Variants in TNNI3K observed in about 807,000 individuals in gnomAD.
TNNI3K encodes serine/threonine-protein kinase TNNI3K.
In TNNI3K, 140 loss-of-function variants were observed where a neutral mutation model predicts 114.5. The observed-to-expected ratio is 1.22, with a 90% CI of 1.07 to 1.41. TNNI3K has a LOEUF of 1.41. TNNI3K is among the 40% of genes most tolerant of loss of function. The pLI, the probability that TNNI3K is intolerant of heterozygous loss-of-function variation, is 0.00. For synonymous variants in TNNI3K, 347 were observed against 347.5 expected, an observed-to-expected ratio of 1.00 and a Z score of 0.02; for missense variants, 1,125 against 1,007.6, an observed-to-expected ratio of 1.12 and a Z score of -1.58.
chr1:74,242,841 A>G (rs890820364), intron 2 of TNNI3K, among the ~76,000 whole-genome samples: 4 of 151,502 alleles, frequency 2.6e-5, no homozygotes, highest in African/African-American at 7.3e-5. Flanking sequence ...CTTGACCTCA[A>G]TCTCTCTCTG....
chr1:74,510,478 AG>A (rs1670131365), intron 23 of TNNI3K, among the ~76,000 whole-genome samples: 1 of 152,194 alleles, frequency 6.6e-6, no homozygotes, highest in African/African-American at 2.4e-5. Context: ...ACTGCACTCT[AG>A]CCTGGGTGAC....
At chr1:74,351,060 C>A (rs1188816332) in intron 9 of TNNI3K, among the ~76,000 whole-genome samples, 2 of 151,218 alleles carry the variant, frequency 1.3e-5, no homozygotes, top group Non-Finnish European at 1.5e-5. Context: ...TCTTCCTAGC[C>A]TTGATGGTCT....
At chr1:74,518,535 G>A (rs891827811) in intron 23 of TNNI3K, among the ~76,000 whole-genome samples, 4 of 151,976 alleles carry the variant, frequency 2.6e-5, no homozygotes, top group African/African-American at 9.7e-5. Context: ...TGGCTCTATG[G>A]TTCCCACTGC....
intron 21 of TNNI3K, chr1:74,464,982 T>G: frequency 1.7e-6 from 2 of 1,207,084 alleles, no homozygotes; most frequent in Non-Finnish European, 2.1e-6. Flanking sequence ...GAAAATTTCA[T>G]CTTGAAAATT....
At chr1:74,309,464 A>G (rs558027371) in intron 5 of TNNI3K, among the ~76,000 whole-genome samples, 74 of 151,678 alleles carry the variant, frequency 4.9e-4, no homozygotes, top group African/African-American at 1.7e-3. Flanking sequence ...TTAGAAAACT[A>G]GTATCACCTT....
chr1:74,509,723 T>C (rs1238842784), intron 23 of TNNI3K, among the ~76,000 whole-genome samples: 1 of 151,446 alleles, frequency 6.6e-6, no homozygotes, highest in African/African-American at 2.4e-5. Flanking sequence ...TGAACTGCTT[T>C]CTGGTTTTGA....
rs542867455 is a variant in TNNI3K, at chr1:74,292,788, T to A, written c.444+21080T>A. ...GGCTTTATCAATTTTGTGTTAAAAA[T>A]TTTTCACCATGATTGTAGATCTTGC... is the stretch of plus-strand genomic sequence containing the variant. On this transcript the variant is annotated intron_variant, in intron 5 of 24. Transcript: ENST00000326637. 3.8e-4 allele frequency among the ~76,000 whole-genome samples: 58 copies of A among 151,750 alleles called. No individual in the cohort carries two copies. The South Asian group carries it at 5.4e-3, about 14-fold the overall frequency.
intron 5 of TNNI3K, among the ~76,000 whole-genome samples, chr1:74,317,957 A>G (rs541071969): frequency 2.0e-5 from 3 of 152,210 alleles, no homozygotes; most frequent in Admixed American, 1.3e-4. Flanking sequence ...TTGCTAATCT[A>G]TTTTATGAAC....
intron 17 of TNNI3K, among the ~76,000 whole-genome samples, chr1:74,402,267 C>A (rs1410978355): frequency 6.6e-6 from 1 of 152,092 alleles, no homozygotes; most frequent in African/African-American, 2.4e-5. Context: ...CTAATGCCTG[C>A]TTTCATGGTG....
intron 21 of TNNI3K, among the ~76,000 whole-genome samples, chr1:74,487,553 T>C (rs1054330259): frequency 1.3e-5 from 2 of 151,992 alleles, no homozygotes; most frequent in East Asian, 1.9e-4. Flanking sequence ...AAATGCAAGA[T>C]GAAGCAAGGG....
At chr1:74,443,056 G>T (rs1037870036) in intron 20 of TNNI3K, among the ~76,000 whole-genome samples, 2 of 152,054 alleles carry the variant, frequency 1.3e-5, no homozygotes, top group African/African-American at 4.8e-5. Context: ...ACCTCAAAAA[G>T]CTAGAAAGAT....
intron 12 of TNNI3K, 48 bp downstream of exon 12, chr1:74,367,390 C>A (rs1662332736): frequency 1.3e-6 from 2 of 1,596,332 alleles, no homozygotes; most frequent in South Asian, 1.1e-5. Context: ...TATATTGTGC[C>A]TAAAGGTAAA....
intron 17 of TNNI3K, among the ~76,000 whole-genome samples, chr1:74,412,408 T>C (rs1248464951): frequency 6.6e-6 from 1 of 152,134 alleles, no homozygotes; most frequent in Non-Finnish European, 1.5e-5. Context: ...AGGCTTGATA[T>C]ATACTCATTC....
chr1:74,442,054 AT>A (rs923942670), intron 20 of TNNI3K, among the ~76,000 whole-genome samples: 11 of 151,498 alleles, frequency 7.3e-5, no homozygotes, highest in East Asian at 3.9e-4. Context: ...ACTTCCCCCT[AT>A]TTTTTTTATA....
rs1011311368 is a variant in TNNI3K at position 74,427,533 on chromosome 1, T to C, written c.1773-8547T>C. On this transcript the variant is annotated intron_variant, in intron 17 of 24. Coordinates refer to ENST00000326637, the MANE Select transcript of TNNI3K (RefSeq NM_015978.3). ...AACCTCTGTTCATCCACGGTACCAA[T>C]GCACTAGAGAAATGTTAGTCCTTAT... is the stretch of plus-strand genomic sequence containing the variant. Among the ~76,000 whole-genome samples, 14 of 152,206 alleles carry C rather than the reference T, an allele frequency of 9.2e-5. No individual in the cohort carries two copies. In the South Asian group the frequency reaches 2.9e-3, roughly 32 times the overall value.
intron 21 of TNNI3K, chr1:74,470,678 C>A (rs1667882805): frequency 2.5e-6 from 1 of 400,574 alleles, no homozygotes; most frequent in Admixed American, 4.4e-5. Flanking sequence ...CAATTTTCCA[C>A]AATTTGATGT....
chr1:74,422,578 C>G (rs1017243779), intron 17 of TNNI3K, among the ~76,000 whole-genome samples: 1 of 152,068 alleles, frequency 6.6e-6, no homozygotes, highest in Middle Eastern at 3.2e-3. Context: ...CACAAGAGCT[C>G]TCTAACCAAA....
chr1:74,259,187 A>G (rs180976117), intron 4 of TNNI3K, among the ~76,000 whole-genome samples: 7 of 152,282 alleles, frequency 4.6e-5, no homozygotes, highest in African/African-American at 1.7e-4. Flanking sequence ...GGCTCACACT[A>G]TTATGGAGCC....
intron 21 of TNNI3K, chr1:74,481,059 G>A: frequency 1.6e-6 from 1 of 610,036 alleles, no homozygotes; most frequent in Non-Finnish European, 3.0e-6. Context: ...TATCCTCTGA[G>A]CAATCTTATC....
Sources: gnomAD v4.1 joint callset for allele counts (sites outside exome capture counted in the v4.1 genomes callset) on GRCh38, gnomAD v4.1.1 for gene constraint, MANE v1.5 for transcripts, NCBI Gene and HGNC (gene_info 2026-07-23, HGNC 2026-07-21) for gene names.